The following TCEANC2 variants were observed in gnomAD, a reference collection of about 807,000 sequenced individuals.
The protein encoded by TCEANC2 is transcription elongation factor A N-terminal and central domain containing 2.
A neutral mutation model predicts 22.8 loss-of-function variants in TCEANC2; 20 were observed. The observed-to-expected ratio is 0.88, with a 90% CI of 0.62 to 1.28. TCEANC2 has a LOEUF of 1.28. Ranked by LOEUF, TCEANC2 falls within the 50% of genes most tolerant of loss-of-function variation. TCEANC2 has a pLI of 0.00. For synonymous variants in TCEANC2, 84 were observed against 95.5 expected, an observed-to-expected ratio of 0.88 and a Z score of 0.70; for missense variants, 251 against 249.7, an observed-to-expected ratio of 1.01 and a Z score of -0.03.
intron 2 of TCEANC2, among the ~76,000 whole-genome samples, chr1:54,065,392 G>GGTATCA (rs1557687215): frequency 6.6e-6 from 1 of 152,166 alleles, no homozygotes; most frequent in Non-Finnish European, 1.5e-5. Flanking sequence ...GGAGAATACT[G>GGTATCA]GTATCAATTT....
At chr1:54,063,729 C>T (rs1192281579) in intron 2 of TCEANC2, among the ~76,000 whole-genome samples, 1 of 152,146 alleles carries the variant, frequency 6.6e-6, no homozygotes, top group African/African-American at 2.4e-5. Context: ...ATTTCTGGCC[C>T]CAACCGTTTT....
chr1:54,090,917 T>G (rs1658434232), intron 4 of TCEANC2, among the ~76,000 whole-genome samples: 1 of 152,232 alleles, frequency 6.6e-6, no homozygotes, highest in Non-Finnish European at 1.5e-5. Context: ...GTTTGCCTAC[T>G]GTATTAAACT....
At chr1:54,079,602 ATTC>A (rs1470147635) in intron 3 of TCEANC2, among the ~76,000 whole-genome samples, 1 of 152,052 alleles carries the variant, frequency 6.6e-6, no homozygotes, top group Non-Finnish European at 1.5e-5. Context: ...GGTAGGTTGA[ATTC>A]TTCTCACATC....
At chr1:54,061,255 C>T (rs1456576983) in intron 2 of TCEANC2, among the ~76,000 whole-genome samples, 1 of 152,166 alleles carries the variant, frequency 6.6e-6, no homozygotes, top group Non-Finnish European at 1.5e-5. Context: ...TGTTTTAATG[C>T]CAAGAACCTA....
intron 3 of TCEANC2, among the ~76,000 whole-genome samples, chr1:54,081,141 GA>G (rs1295901414): frequency 6.6e-6 from 1 of 152,136 alleles, no homozygotes; most frequent in African/African-American, 2.4e-5. Flanking sequence ...GTAAAATGGG[GA>G]ACTATAGCAC....
downstream of TCEANC2, among the ~76,000 whole-genome samples, chr1:54,109,253 T>C (rs897735325): frequency 2.0e-5 from 3 of 151,920 alleles, no homozygotes; most frequent in Non-Finnish European, 4.4e-5. Flanking sequence ...GTTTCCCAGG[T>C]AGGGAGTGGC....
exon 5 of TCEANC2, chr1:54,111,405 G>A (rs1436604672): frequency 1.3e-5 from 2 of 152,178 alleles, no homozygotes; most frequent in African/African-American, 2.4e-5. Context: ...TTTGTTTCTC[G>A]GCCACAATCC....
intron 4 of TCEANC2, among the ~76,000 whole-genome samples, chr1:54,091,954 G>C (rs1173952140): frequency 6.6e-6 from 1 of 152,216 alleles, no homozygotes; most frequent in East Asian, 1.9e-4. Flanking sequence ...TGGCTCAGTT[G>C]GTTGTCAGAT....
chr1:54,070,747 C>T (rs1293498163), intron 3 of TCEANC2, among the ~76,000 whole-genome samples: 1 of 152,190 alleles, frequency 6.6e-6, no homozygotes, highest in Admixed American at 6.5e-5. Context: ...AGTCTTCCTG[C>T]CTTTTCCTAT....
intron 4 of TCEANC2, chr1:54,089,758 A>G (rs1419885715): frequency 3.1e-6 from 1 of 327,684 alleles, no homozygotes; most frequent in African/African-American, 2.2e-5. Flanking sequence ...AGGACTTGTG[A>G]TATAGTACTT....
At chr1:54,057,657 A>G (rs184151687) in intron 2 of TCEANC2, among the ~76,000 whole-genome samples, 19 of 152,190 alleles carry the variant, frequency 1.2e-4, no homozygotes, top group Admixed American at 2.0e-4. Flanking sequence ...CTCTTACACC[A>G]GAGAAATATG....
chr1:54,082,028 G>T (rs926197453), intron 3 of TCEANC2, among the ~76,000 whole-genome samples: 3 of 152,228 alleles, frequency 2.0e-5, no homozygotes, highest in Admixed American at 2.0e-4. Context: ...GAAGTATAAT[G>T]TATTAGGGGT....
rs899685836 is a variant in TCEANC2 at position 54,099,409 on chromosome 1, C to T, written c.*2936C>T. On this transcript the variant is annotated 3_prime_UTR_variant, in exon 5 of 5. Transcript: ENST00000234827. ...TGCAGACATCCCTCCCAATCTTGCC[C>T]ACACACTGAGAAGTAACTCGGAGCT... The T allele has an allele frequency of 6.6e-6, 1 of 152,166 alleles. No individual in the cohort carries two copies. Among genetic ancestry groups the T allele is most frequent in the African/African-American group, 2.4e-5 (1 of 41,448 alleles). The allele number at this position is 152,166 out of a possible 1,614,324, so 9.4% of individuals were successfully genotyped here. A position where few individuals can be genotyped will look rare whatever the true frequency, so the allele number is the denominator to read the frequency against.
At chr1:54,106,686 T>C (rs758637518), downstream of TCEANC2, among the ~76,000 whole-genome samples, 51 of 151,788 alleles carry the variant, frequency 3.4e-4, no homozygotes, top group Non-Finnish European at 6.2e-4. Context: ...AAAAGGAAGC[T>C]GCAGTACCAT....
downstream of TCEANC2, among the ~76,000 whole-genome samples, chr1:54,107,907 A>G (rs1234260587): frequency 3.3e-5 from 5 of 152,188 alleles, no homozygotes; most frequent in African/African-American, 9.7e-5. Flanking sequence ...GTAAGAGAAT[A>G]TTTTGTGAAA....
rs763195147 is a variant in TCEANC2 at position 54,101,386 on chromosome 1, A to G, written c.*4913A>G. The stretch of plus-strand genomic sequence containing the variant: ...CATTGTATTTTCTTTAAATCAATCA[A>G]AATGATACAATTACTGTCAGGGATG... On this transcript the variant is annotated 3_prime_UTR_variant, in exon 5 of 5. Coordinates refer to ENST00000234827, the MANE Select transcript of TCEANC2 (RefSeq NM_153035.3). The G allele has an allele frequency of 7.2e-5, 11 of 152,350 alleles. No homozygotes were observed. The highest frequency in any genetic ancestry group is 5.2e-4 in the Admixed American group (8 of 15,302). The allele number at this position is 152,350 out of a possible 1,614,324, so 9.4% of individuals were successfully genotyped here.
chr1:54,094,563 G>A (rs769930713), intron 4 of TCEANC2, among the ~76,000 whole-genome samples: 28 of 152,120 alleles, frequency 1.8e-4, no homozygotes, highest in Non-Finnish European at 3.5e-4. Context: ...TCTCCACAGC[G>A]CTGGTTCCTC....
At chr1:54,063,545 G>A (rs1330653118) in intron 2 of TCEANC2, among the ~76,000 whole-genome samples, 3 of 152,118 alleles carry the variant, frequency 2.0e-5, no homozygotes, top group Admixed American at 6.5e-5. Context: ...TATACAGGTT[G>A]AGCATCCTAA....
At chr1:54,067,465 G>A (rs752212662) in intron 2 of TCEANC2, among the ~76,000 whole-genome samples, 1 of 152,188 alleles carries the variant, frequency 6.6e-6, no homozygotes, top group South Asian at 2.1e-4. Context: ...GAAAAAGAAA[G>A]TCAGCTTTCA....
Sources: gnomAD v4.1 joint callset for allele counts (sites outside exome capture counted in the v4.1 genomes callset) on GRCh38, gnomAD v4.1.1 for gene constraint, MANE v1.5 for transcripts, NCBI Gene and HGNC (gene_info 2026-07-23, HGNC 2026-07-21) for gene names.